Variants in EXOC4 observed in about 807,000 individuals in gnomAD.
The protein encoded by EXOC4 is exocyst complex component 4.
EXOC4 carries 71 observed loss-of-function variants against 107.2 expected under a neutral mutation model. The ratio of observed to expected loss-of-function variants is 0.66; its 90% CI spans 0.55 to 0.81. The LOEUF (loss-of-function observed/expected upper bound fraction) is 0.81, where lower values mean the gene tolerates loss of function less well. Among genes scored for constraint, EXOC4 ranks in the 30% least tolerant of loss-of-function variants. The probability of loss-of-function intolerance (pLI) is 0.00; values close to 1 mark genes in which losing one functional copy is unlikely to be tolerated. For missense variants in EXOC4, 1,108 were observed against 1,189.6 expected, an observed-to-expected ratio of 0.93 and a Z score of 1.01; for synonymous variants, 456 against 441.2, an observed-to-expected ratio of 1.03 and a Z score of -0.42.
At chr7:133,864,553 A>G (rs763636384) in intron 11 of EXOC4, among the ~76,000 whole-genome samples, 3 of 152,210 alleles carry the variant, frequency 2.0e-5, no homozygotes, top group Non-Finnish European at 4.4e-5. Context: ...TTATCATTCC[A>G]TGGCATATTG....
At chr7:133,819,909 A>T (rs147498589) in intron 11 of EXOC4, among the ~76,000 whole-genome samples, 1 of 152,254 alleles carries the variant, frequency 6.6e-6, no homozygotes, top group African/African-American at 2.4e-5. Flanking sequence ...ACAAAATGAC[A>T]TATCTGGGCA....
At chr7:133,261,079 GTTTGC>G (rs1049729016) in intron 1 of EXOC4, among the ~76,000 whole-genome samples, 36 of 151,954 alleles carry the variant, frequency 2.4e-4, no homozygotes, top group Admixed American at 7.2e-4. Flanking sequence ...TTATCTGGAA[GTTTGC>G]TTTGGGTCTT....
chr7:133,353,152 A>G (rs1254345693), intron 5 of EXOC4, among the ~76,000 whole-genome samples: 1 of 152,152 alleles, frequency 6.6e-6, no homozygotes, highest in African/African-American at 2.4e-5. Context: ...TGTAGAAAAC[A>G]ATAGTTAGAA....
intron 7 of EXOC4, among the ~76,000 whole-genome samples, chr7:133,442,992 A>G (rs1417977448): frequency 6.6e-6 from 1 of 152,234 alleles, no homozygotes; most frequent in African/African-American, 2.4e-5. Context: ...GAGTGTAATG[A>G]CAATGTAATC....
chr7:133,997,372 C>A (rs1794418340), intron 14 of EXOC4, 120 bp from the exon 15 acceptor site: 2 of 1,009,292 alleles, frequency 2.0e-6, no homozygotes, highest in Non-Finnish European at 2.9e-6. Context: ...ACTTCTAATG[C>A]TGCCAACACT....
chr7:133,455,640 T>C (rs1798446508), intron 7 of EXOC4, among the ~76,000 whole-genome samples: 1 of 152,190 alleles, frequency 6.6e-6, no homozygotes, highest in South Asian at 2.1e-4. Flanking sequence ...AAAATTCAAG[T>C]GGTAGGATGA....
intron 9 of EXOC4, among the ~76,000 whole-genome samples, chr7:133,514,899 A>G (rs997275189): frequency 2.0e-5 from 3 of 152,140 alleles, no homozygotes; most frequent in African/African-American, 7.2e-5. Context: ...CATTTCATAT[A>G]AGGGCATTTT....
At chr7:133,436,468 C>G (rs1160883008) in intron 7 of EXOC4, among the ~76,000 whole-genome samples, 2 of 150,866 alleles carry the variant, frequency 1.3e-5, no homozygotes, top group Non-Finnish European at 3.0e-5. Context: ...TCTTTTTTGT[C>G]TCTCTTTTCC....
chr7:133,943,202 TAAA>T (rs530758042), intron 14 of EXOC4, among the ~76,000 whole-genome samples: 52 of 152,270 alleles, frequency 3.4e-4, no homozygotes, highest in Non-Finnish European at 5.3e-4. Context: ...TGATAAAGGT[TAAA>T]AATAATGCCA....
chr7:133,581,484 C>T (rs981105853), intron 9 of EXOC4, among the ~76,000 whole-genome samples: 5 of 151,954 alleles, frequency 3.3e-5, no homozygotes, highest in South Asian at 4.1e-4. Flanking sequence ...TGAGGCCGGG[C>T]GCGGTGGCTC....
At chr7:133,944,443 A>T (rs1800503537) in intron 14 of EXOC4, among the ~76,000 whole-genome samples, 1 of 152,078 alleles carries the variant, frequency 6.6e-6, no homozygotes, top group Non-Finnish European at 1.5e-5. Flanking sequence ...TTTCAAAAGG[A>T]AAACTACAGA....
At chr7:133,262,800 A>G (rs1795183499) in intron 1 of EXOC4, among the ~76,000 whole-genome samples, 1 of 152,206 alleles carries the variant, frequency 6.6e-6, no homozygotes, top group Admixed American at 6.5e-5. Flanking sequence ...CTCAACATAT[A>G]GAAATGATAA....
At chr7:133,354,120 C>T (rs1460140661) in intron 5 of EXOC4, among the ~76,000 whole-genome samples, 1 of 151,510 alleles carries the variant, frequency 6.6e-6, no homozygotes, top group Non-Finnish European at 1.5e-5. Flanking sequence ...AATATATCTA[C>T]CATTAAGTCT....
At chr7:133,303,599 A>G (rs1794690115) in intron 3 of EXOC4, among the ~76,000 whole-genome samples, 1 of 152,216 alleles carries the variant, frequency 6.6e-6, no homozygotes, top group Admixed American at 6.5e-5. Flanking sequence ...AGCTTTATAA[A>G]TAGACTATGA....
At chr7:133,597,883 C>T (rs147818636) in intron 9 of EXOC4, among the ~76,000 whole-genome samples, 1,589 of 151,766 alleles carry the variant, frequency 0.01, 13 homozygotes, top group Middle Eastern at 0.027. Context: ...ATGTTGGCGG[C>T]GGGCACCTGT....
chr7:133,917,675 G>A lies in EXOC4; in HGVS notation c.1964G>A (p.Trp655Ter). 1 of 1,614,052 alleles carries A rather than the reference G, an allele frequency of 6.2e-7. No individual in the cohort carries two copies. Among genetic ancestry groups the A allele is most frequent in the Non-Finnish European group, 8.5e-7 (1 of 1,179,984 alleles). Residue 655 changes from tryptophan (W) to a stop codon, truncating the protein, a stop_gained, in exon 13 of 18, where the codon TGG becomes TAG. Coordinates refer to ENST00000253861, the MANE Select transcript of EXOC4 (RefSeq NM_021807.4). LOFTEE classifies it high-confidence loss of function. The part of the protein sequence containing the change: ...ISRLLKSLPN[W>*]MNMAQPKQLR... ...AGACTCTTGAAATCTCTACCAAACT[G>A]GATGAATATGGCTCAACCCAAACAG...
intron 10 of EXOC4, among the ~76,000 whole-genome samples, chr7:133,706,093 C>G (rs1794763568): frequency 6.6e-6 from 1 of 152,090 alleles, no homozygotes; most frequent in African/African-American, 2.4e-5. Flanking sequence ...ATCCACCTGC[C>G]TTTTCTGTCA....
At chr7:133,425,871 A>G (rs921998078) in intron 7 of EXOC4, among the ~76,000 whole-genome samples, 1 of 152,210 alleles carries the variant, frequency 6.6e-6, no homozygotes, top group Admixed American at 6.5e-5. Flanking sequence ...GAAAAAATTT[A>G]AATCTACCTA....
At chr7:133,868,586 T>G (rs926046203) in intron 11 of EXOC4, among the ~76,000 whole-genome samples, 1 of 152,190 alleles carries the variant, frequency 6.6e-6, no homozygotes, top group Admixed American at 6.5e-5. Context: ...AATTCTTTTA[T>G]GAACCACTCC....
Sources: gnomAD v4.1 joint callset for allele counts (sites outside exome capture counted in the v4.1 genomes callset) on GRCh38, gnomAD v4.1.1 for gene constraint, MANE v1.5 for transcripts, NCBI Gene and HGNC (gene_info 2026-07-23, HGNC 2026-07-21) for gene names.